GALNT18: variants seen among roughly 807,000 people sequenced by gnomAD.
GALNT18 encodes GalNAc-transferase 18.
A neutral mutation model predicts 69.5 loss-of-function variants in GALNT18; 44 were observed. The ratio of observed to expected loss-of-function variants is 0.63; its 90% CI spans 0.50 to 0.81. The LOEUF is 0.81. Among genes scored for constraint, GALNT18 ranks in the 40% least tolerant of loss-of-function variants. The pLI is 0.00. For missense variants in GALNT18, 715 were observed against 810.0 expected, an observed-to-expected ratio of 0.88 and a Z score of 1.42; for synonymous variants, 364 against 318.2, an observed-to-expected ratio of 1.14 and a Z score of -1.53.
intron 2 of GALNT18, among the ~76,000 whole-genome samples, chr11:11,443,513 T>C (rs1197460023): frequency 6.6e-6 from 1 of 151,912 alleles, no homozygotes; most frequent in Non-Finnish European, 1.5e-5. Flanking sequence ...CCCTCCTAGA[T>C]TATTTTGGAG....
chr11:11,290,719 G>A, intron 10 of GALNT18, among the ~76,000 whole-genome samples: 1 of 152,108 alleles, frequency 6.6e-6, no homozygotes, highest in Non-Finnish European at 1.5e-5. Flanking sequence ...CCCACCCCTA[G>A]CTGCACCACC....
At chr11:11,534,668 T>C (rs1857734589) in intron 1 of GALNT18, among the ~76,000 whole-genome samples, 1 of 152,240 alleles carries the variant, frequency 6.6e-6, no homozygotes, top group Non-Finnish European at 1.5e-5. Context: ...TTCCACCTTT[T>C]CCTCAATCCA....
chr11:11,497,453 G>T lies in GALNT18; in HGVS notation c.236-48517C>A, dbSNP rs1313549596. On this transcript the variant is annotated intron_variant, in intron 1 of 10. Transcript: ENST00000227756. The surrounding 1 kb of genome is among the most constrained non-coding windows in gnomAD (Gnocchi z 4.2). ...TTTATGGGTCCCTGCTCTTATGCAG[G>T]GCCTGTTCACCTGCACCTCCAGAAC... 6.7e-6 allele frequency among the ~76,000 whole-genome samples: 1 copy of T among 149,626 alleles called. No homozygotes were observed. Among genetic ancestry groups the T allele is most frequent in the African/African-American group, 2.5e-5 (1 of 40,670 alleles).
At chr11:11,441,338 T>C (rs1045537269) in intron 2 of GALNT18, among the ~76,000 whole-genome samples, 2 of 152,186 alleles carry the variant, frequency 1.3e-5, no homozygotes, top group African/African-American at 4.8e-5. Context: ...TGATTAAGAA[T>C]GTTTATTTTA....
At chr11:11,424,570 T>C (rs1212074834) in intron 3 of GALNT18, among the ~76,000 whole-genome samples, 1 of 151,936 alleles carries the variant, frequency 6.6e-6, no homozygotes, top group Non-Finnish European at 1.5e-5. Flanking sequence ...GCACACTGGG[T>C]TAGTTGTTGT....
At chr11:11,425,966 T>C (rs751908896) in intron 3 of GALNT18, among the ~76,000 whole-genome samples, 15 of 152,310 alleles carry the variant, frequency 9.8e-5, no homozygotes, top group African/African-American at 2.4e-4. Flanking sequence ...CATTGGTCCA[T>C]TGGGATTTGC....
chr11:11,328,593 C>G (rs1205223545), intron 8 of GALNT18, among the ~76,000 whole-genome samples: 1 of 152,180 alleles, frequency 6.6e-6, no homozygotes, highest in Non-Finnish European at 1.5e-5. Flanking sequence ...TTTGAGCTTC[C>G]TTTCCTCTAC....
chr11:11,359,015 C>T (rs1850589748), intron 6 of GALNT18, among the ~76,000 whole-genome samples: 1 of 140,568 alleles, frequency 7.1e-6, no homozygotes, highest in South Asian at 2.2e-4. Flanking sequence ...AATCTGCTTG[C>T]AGCTTTTCTG....
chr11:11,354,701 A>G (rs7928418), intron 6 of GALNT18, among the ~76,000 whole-genome samples: 128,832 of 151,742 alleles, frequency 0.85, 55,145 homozygotes, highest in Middle Eastern at 0.95. Flanking sequence ...GCTTTTCGGG[A>G]CAGGGGAAAA....
Position 11,417,004 on chromosome 11 carries a change from GT to G in GALNT18, c.595+15616del, listed in dbSNP as rs1180762763. Among the ~76,000 whole-genome samples, 12 of 152,186 alleles carry G rather than the reference GT, an allele frequency of 7.9e-5. 1 individual carries two copies. Among genetic ancestry groups the G allele is most frequent in the Non-Finnish European group, 1.8e-4 (12 of 68,048 alleles). ...CTCTATGTGACTCCTCTGCAGCCTG[GT>G]CGGCTTTCTCAGGCACTGGCCACAT... is the stretch of plus-strand genomic sequence containing the variant. On this transcript the variant is annotated intron_variant, in intron 3 of 10. Transcript: ENST00000227756.
chr11:11,620,138 G>T lies in GALNT18; in HGVS notation c.235+1221C>A, dbSNP rs954539017. Among the ~76,000 whole-genome samples the T allele has an allele frequency of 1.3e-5, 2 of 151,830 alleles. No individual in the cohort carries two copies. The highest frequency in any genetic ancestry group is 4.8e-5 in the African/African-American group (2 of 41,326). On this transcript the variant is annotated intron_variant, in intron 1 of 10. Transcript: ENST00000227756. This position sits in a 1 kb window ranked among gnomAD's most constrained non-coding sequence, Gnocchi z 6.9. The stretch of plus-strand genomic sequence containing the variant: ...AAACAAAAGGGAGTGCTCCTGGCGG[G>T]GGGGTGGGGGGTAAGCCTTCAGTTC...
intron 3 of GALNT18, among the ~76,000 whole-genome samples, chr11:11,423,756 G>T (rs6484897): frequency 0.51 from 78,111 of 152,054 alleles, 22,760 homozygotes; most frequent in East Asian, 0.81. Flanking sequence ...GGGTGTAGAC[G>T]CTGAAACCAA....
intron 3 of GALNT18, among the ~76,000 whole-genome samples, chr11:11,409,993 A>G (rs1475786379): frequency 6.6e-6 from 1 of 152,194 alleles, no homozygotes; most frequent in Non-Finnish European, 1.5e-5. Context: ...TACGCCCTGC[A>G]GCACTATCAG....
Position 11,516,074 on chromosome 11 carries a change from C to T in GALNT18, c.236-67138G>A, listed in dbSNP as rs139532343. 6.6e-5 allele frequency among the ~76,000 whole-genome samples: 10 copies of T among 152,276 alleles called. No homozygotes were observed. In the East Asian group the frequency reaches 1.9e-3, roughly 29 times the overall value. Reference sequence around the variant, plus strand: ...GGCTGGGCCCTGAGTGTGACAGGGACAGCAGTGAGATGGGCCGTCACCACA... The same window carrying T: ...GGCTGGGCCCTGAGTGTGACAGGGATAGCAGTGAGATGGGCCGTCACCACA... On this transcript the variant is annotated intron_variant, in intron 1 of 10. Transcript: ENST00000227756.
At chr11:11,580,858 C>T (rs1258251807) in intron 1 of GALNT18, among the ~76,000 whole-genome samples, 3 of 152,210 alleles carry the variant, frequency 2.0e-5, no homozygotes, top group South Asian at 2.1e-4. Flanking sequence ...CCACAGGATC[C>T]AGGGTTATTT....
chr11:11,528,027 A>G (rs1475172110), intron 1 of GALNT18, among the ~76,000 whole-genome samples: 1 of 152,228 alleles, frequency 6.6e-6, no homozygotes, highest in Non-Finnish European at 1.5e-5. Context: ...ACTCCATCAC[A>G]TAGGTGCTGT....
intron 3 of GALNT18, 38 bp from the exon 4 acceptor site, chr11:11,379,302 G>A: frequency 6.3e-7 from 1 of 1,582,622 alleles, no homozygotes; most frequent in Non-Finnish European, 8.6e-7. Context: ...ATGGGAGGGA[G>A]GTCAGGAGGC....
rs371640486 is a variant in GALNT18, at chr11:11,598,502, T to C, written c.235+22857A>G. 9.2e-5 allele frequency among the ~76,000 whole-genome samples: 14 copies of C among 152,306 alleles called. No individual in the cohort carries two copies. In the East Asian group the frequency reaches 1.5e-3, roughly 17 times the overall value. ...CATGTGTGTGTAACCTTCCTCTGCTTCTCTCTTAGGAGGTTACTGATTATC... is the reference window on the plus strand; with the variant it reads ...CATGTGTGTGTAACCTTCCTCTGCTCCTCTCTTAGGAGGTTACTGATTATC... On this transcript the variant is annotated intron_variant, in intron 1 of 10. Transcript: ENST00000227756. The surrounding 1 kb of genome is among the most constrained non-coding windows in gnomAD (Gnocchi z 4.8).
intron 2 of GALNT18, among the ~76,000 whole-genome samples, chr11:11,442,029 C>T (rs1047462629): frequency 6.6e-6 from 1 of 152,168 alleles, no homozygotes; most frequent in East Asian, 1.9e-4. Context: ...ACAAATTTAT[C>T]ATCTCATCAT....
Sources: gnomAD v4.1 joint callset for allele counts (sites outside exome capture counted in the v4.1 genomes callset) on GRCh38, gnomAD v4.1.1 for gene constraint, Gnocchi (gnomAD v3.1) non-coding constraint, MANE v1.5 for transcripts, NCBI Gene and HGNC (gene_info 2026-07-23, HGNC 2026-07-21) for gene names.